Variants in COLGALT1 observed in about 807,000 individuals in gnomAD.
COLGALT1 encodes collagen beta(1-O)galactosyltransferase 1, also known as procollagen galactosyltransferase 1.
In COLGALT1, 43 loss-of-function variants were observed where a neutral mutation model predicts 60.8. That is an observed-to-expected ratio of 0.71 (90% CI 0.55 to 0.91). The LOEUF is 0.91. Ranked by LOEUF, COLGALT1 falls within the 40% of genes least tolerant of loss-of-function variation. The pLI, the probability that COLGALT1 is intolerant of heterozygous loss-of-function variation, is 0.00. For synonymous variants in COLGALT1, 369 were observed against 374.2 expected, an observed-to-expected ratio of 0.99 and a Z score of 0.16; for missense variants, 845 against 880.0, an observed-to-expected ratio of 0.96 and a Z score of 0.50.
chr19:17,557,989 G>A (rs1013345512), intron 1 of COLGALT1, among the ~76,000 whole-genome samples: 6 of 152,192 alleles, frequency 3.9e-5, no homozygotes, highest in Admixed American at 1.3e-4. Context: ...TGAGGCTGGA[G>A]TGCAGTGGCA....
intron 1 of COLGALT1, among the ~76,000 whole-genome samples, chr19:17,558,468 A>G (rs1399965170): frequency 1.3e-5 from 2 of 148,702 alleles, no homozygotes; most frequent in African/African-American, 4.9e-5. Context: ...ACCTGAGGTC[A>G]GGAGTTCGAG....
chr19:17,578,996 G>T (rs1409618264), intron 9 of COLGALT1, among the ~76,000 whole-genome samples: 8 of 151,520 alleles, frequency 5.3e-5, no homozygotes, highest in Admixed American at 5.3e-4. Flanking sequence ...GGCGACAAGA[G>T]TGACACTCCA....
rs1568483433 is a variant in COLGALT1 at position 17,581,278 on chromosome 19, T to C, written c.1703T>C (p.Val568Ala). 6.2e-7 allele frequency: 1 copy of C among 1,612,534 alleles called. No individual in the cohort carries two copies. Among genetic ancestry groups the C allele is most frequent in the East Asian group, 2.2e-5 (1 of 44,862 alleles). Residue 568 changes from valine to alanine, a missense_variant, in exon 12 of 12, where the codon GTG (valine) becomes GCG (alanine). By Grantham distance (64) the Val-to-Ala change is moderately conservative. Coordinates refer to ENST00000252599, the MANE Select transcript of COLGALT1 (RefSeq NM_024656.4). Reference sequence around the variant, plus strand: ...CACTACACAGGAGACGATGGCTATGTGAGTGACACCGAGACCTCAGTCGTA... The same window carrying C: ...CACTACACAGGAGACGATGGCTATGCGAGTGACACCGAGACCTCAGTCGTA... ...PTHYTGDDGY[V>A]SDTETSVVWN...
At chr19:17,562,767 A>G (rs968427842) in intron 3 of COLGALT1, among the ~76,000 whole-genome samples, 4 of 152,010 alleles carry the variant, frequency 2.6e-5, no homozygotes, top group African/African-American at 7.2e-5. Context: ...GGAGAAAGGC[A>G]GGGGGTTCAG....
At chr19:17,557,572 T>C (rs746569899) in intron 1 of COLGALT1, among the ~76,000 whole-genome samples, 10 of 152,102 alleles carry the variant, frequency 6.6e-5, no homozygotes, top group Admixed American at 1.3e-4. Context: ...AGTGCTGGGA[T>C]TACAGGCATG....
chr19:17,581,501 C>T lies in COLGALT1; in HGVS notation c.*57C>T. 3 of 1,560,312 alleles carry T rather than the reference C, an allele frequency of 1.9e-6. No homozygotes were observed. Among genetic ancestry groups the T allele is most frequent in the Non-Finnish European group, 2.6e-6 (3 of 1,159,348 alleles). On this transcript the variant is annotated 3_prime_UTR_variant, in exon 12 of 12. Coordinates refer to ENST00000252599, the MANE Select transcript of COLGALT1 (RefSeq NM_024656.4). The stretch of plus-strand genomic sequence containing the variant: ...CGGTGGCCCAGGCTCCACGTGCTTA[C>T]TGAGGACATCAGGTCCACCTCTGGA...
intron 6 of COLGALT1, among the ~76,000 whole-genome samples, chr19:17,574,275 G>T (rs927044430): frequency 2.0e-5 from 3 of 152,038 alleles, no homozygotes; most frequent in Non-Finnish European, 1.5e-5. Flanking sequence ...GTCTATCTGC[G>T]GCTCCCCCTG....
In COLGALT1 at chr19:17,581,880, G is replaced by T; in HGVS notation, c.*436G>T. 5.9e-6 allele frequency: 1 copy of T among 169,300 alleles called. No individual in the cohort carries two copies. The highest frequency in any genetic ancestry group is 1.3e-5 in the Non-Finnish European group (1 of 77,902). The allele number at this position is 169,300 out of a possible 1,614,324, so 10.5% of individuals were successfully genotyped here. On this transcript the variant is annotated 3_prime_UTR_variant, in exon 12 of 12. Transcript: ENST00000252599. The stretch of plus-strand genomic sequence containing the variant: ...TTCAAGGATTTATTGAGTGCCTACT[G>T]TGTGTTGGGTGCCATTCCAGGCTCT...
At chr19:17,556,048 C>T (rs2076208951) in intron 1 of COLGALT1, 75 bp downstream of exon 1, 1 of 1,253,766 alleles carries the variant, frequency 8.0e-7, no homozygotes, top group Non-Finnish European at 1.0e-6. Context: ...GGTGGGTCCA[C>T]GCGAGCCCCT....
In COLGALT1 at chr19:17,576,640, C is replaced by T. The variant is rs375517362; in HGVS notation, c.950-555C>T. Among the ~76,000 whole-genome samples the T allele has an allele frequency of 6.2e-5, 5 of 80,694 alleles. No homozygotes were observed. In the East Asian group the frequency reaches 1.4e-3, roughly 22 times the overall value. 52.9% of individuals were successfully genotyped at this position (80,694 alleles called of 152,430 possible). ...AGGACTTAGAAGCGGGGCTGGGGGT[C>T]GGAGCGAAGCTGTTGCATGGCCAGG... On this transcript the variant is annotated intron_variant, in intron 6 of 11. Transcript: ENST00000252599.
At position 17,582,754 on chromosome 19, in the gene COLGALT1, G is replaced by A. The variant is rs998415324; in HGVS notation, c.*1310G>A. 1 of 152,292 alleles carries A rather than the reference G, an allele frequency of 6.6e-6. No homozygotes were observed. The highest frequency in any genetic ancestry group is 1.5e-5 in the Non-Finnish European group (1 of 68,086). 9.4% of individuals were successfully genotyped at this position (152,292 alleles called of 1,614,324 possible). A position where few individuals can be genotyped will look rare whatever the true frequency, so the allele number is the denominator to read the frequency against. On this transcript the variant is annotated 3_prime_UTR_variant, in exon 12 of 12. Coordinates refer to ENST00000252599, the MANE Select transcript of COLGALT1 (RefSeq NM_024656.4). ...CATCCCCCCACCACCCAAGAGGGAGGGTAGCTCTTCCGCCACCAGGGGCAA... is the reference window on the plus strand; with the variant it reads ...CATCCCCCCACCACCCAAGAGGGAGAGTAGCTCTTCCGCCACCAGGGGCAA...
intron 3 of COLGALT1, 35 bp from the exon 4 acceptor site, chr19:17,567,371 C>A (rs763695057): frequency 1.2e-6 from 2 of 1,610,426 alleles, no homozygotes; most frequent in Admixed American, 3.3e-5. Context: ...CCTGACCTGG[C>A]AGCCCATGCT....
At chr19:17,575,844 G>C (rs2076337650) in intron 6 of COLGALT1, among the ~76,000 whole-genome samples, 1 of 152,100 alleles carries the variant, frequency 6.6e-6, no homozygotes, top group South Asian at 2.1e-4. Flanking sequence ...ATGTGGATTA[G>C]GGCCCACCCT....
At chr19:17,578,124 G>T in intron 9 of COLGALT1, 35 bp downstream of exon 9, 1 of 1,569,078 alleles carries the variant, frequency 6.4e-7, no homozygotes, top group East Asian at 2.3e-5. Context: ...CCAGAGTTAT[G>T]ACTCTAGATC....
chr19:17,562,848 C>T (rs2076257370), intron 3 of COLGALT1, among the ~76,000 whole-genome samples: 1 of 152,024 alleles, frequency 6.6e-6, no homozygotes, highest in Non-Finnish European at 1.5e-5. Context: ...GAGAGAGGAA[C>T]GGGGACAGTG....
chr19:17,558,943 G>A (rs1599776051), intron 1 of COLGALT1, among the ~76,000 whole-genome samples: 2 of 151,964 alleles, frequency 1.3e-5, no homozygotes, highest in Admixed American at 6.6e-5. Context: ...GGCGGATCAC[G>A]AGGTCAGGAG....
In COLGALT1 at chr19:17,555,762, G is replaced by A; in HGVS notation, c.49G>A (p.Ala17Thr). The A allele has an allele frequency of 8.2e-7, 1 of 1,225,818 alleles. No individual in the cohort carries two copies. The highest frequency in any genetic ancestry group is 1.0e-6 in the Non-Finnish European group (1 of 984,348). The allele number at this position is 1,225,818 out of a possible 1,614,324, so 75.9% of individuals were successfully genotyped here. The stretch of plus-strand genomic sequence containing the variant: ...CCGGCGGCGCGGGCAGCCGCTCCTG[G>A]CGCTGCTGCTTCTGCTGCTGGCGCC... ...AGRRRGQPLL[A>T]LLLLLLAPLP... is the part of the protein sequence containing the mutation. Residue 17 changes from alanine (A) to threonine (T), a missense_variant, in exon 1 of 12, where the codon GCG (alanine) becomes ACG (threonine). Transcript: ENST00000252599.
Position 17,555,800 on chromosome 19 carries a change from G to GGCCCCGCCGGGC in COLGALT1, c.91_102dup (p.Pro31_Ala34dup), listed in dbSNP as rs2076206781. ...TGCTGCTGGCGCCACTGCCGCCGGG[G>GGCCCCGCCGGGC]GCCCCGCCGGGCGCCGACGCCTACT... On this transcript the variant is annotated inframe_insertion, in exon 1 of 12. Coordinates refer to ENST00000252599, the MANE Select transcript of COLGALT1 (RefSeq NM_024656.4). The GGCCCCGCCGGGC allele has an allele frequency of 1.6e-6, 2 of 1,251,032 alleles. No individual in the cohort carries two copies. Among genetic ancestry groups the GGCCCCGCCGGGC allele is most frequent in the Non-Finnish European group, 2.0e-6 (2 of 997,450 alleles). The allele number at this position is 1,251,032 out of a possible 1,614,324, so 77.5% of individuals were successfully genotyped here. A position where few individuals can be genotyped will look rare whatever the true frequency, so the allele number is the denominator to read the frequency against.
intron 11 of COLGALT1, 60 bp downstream of exon 11, chr19:17,580,965 G>A: frequency 2.5e-6 from 4 of 1,582,246 alleles, no homozygotes; most frequent in Non-Finnish European, 3.5e-6. Context: ...CTGGGAGAAT[G>A]GGGATGTGAG....
Sources: allele counts gnomAD v4.1 joint callset (sites outside exome capture counted in the v4.1 genomes callset), GRCh38; gene constraint gnomAD v4.1.1; transcripts MANE v1.5; gene names NCBI Gene and HGNC (gene_info 2026-07-23, HGNC 2026-07-21).